Variants in TC2N observed in about 807,000 individuals in gnomAD.
The protein encoded by TC2N is tandem C2 domains, nuclear.
TC2N carries 51 observed loss-of-function variants against 61.9 expected under a neutral mutation model. The ratio of observed to expected loss-of-function variants is 0.82; its 90% CI spans 0.66 to 1.04. The LOEUF (loss-of-function observed/expected upper bound fraction) is 1.04. Ranked by LOEUF, TC2N falls within the 50% of genes least tolerant of loss-of-function variation. TC2N has a pLI of 0.00. For missense variants in TC2N, 556 were observed against 566.7 expected (o/e 0.98, Z 0.19); for synonymous variants, 204 against 192.6 (o/e 1.06, Z -0.49).
At chr14:91,809,265 G>A (rs1206379918) in intron 3 of TC2N, among the ~76,000 whole-genome samples, 1 of 152,010 alleles carries the variant, frequency 6.6e-6, no homozygotes, top group African/African-American at 2.4e-5. Context: ...AAAACTAGCT[G>A]GGTGTGGTGG....
rs573902782 is a variant in TC2N, at chr14:91,810,802, G to A, written c.301+1510C>T. On this transcript the variant is annotated intron_variant, in intron 3 of 11. Transcript: ENST00000435962. ...TAACAGCAGGCTAAAGATAACAGAC[G>A]AGACAGTGAACTTGAAAAAAAGATC... Among the ~76,000 whole-genome samples the A allele has an allele frequency of 6.0e-5, 9 of 150,608 alleles. No homozygotes were observed. The South Asian group carries it at 1.9e-3, about 32-fold the overall frequency.
At position 91,783,192 on chromosome 14, in the gene TC2N, T is replaced by G; in HGVS notation, c.1381A>C (p.Ser461Arg). The change falls in exon 12 of 12, where the codon AGT (serine) becomes CGT (arginine). Residue 461 changes from serine to arginine, a missense_variant. Coordinates refer to ENST00000435962, the MANE Select transcript of TC2N (RefSeq NM_001128596.3). Reference protein sequence around the residue: ...FVGQIWISEDSNNIEAVNQWK... With the variant: ...FVGQIWISEDRNNIEAVNQWK... Reference sequence around the variant, plus strand: ...TGGTTCACTGCTTCAATGTTATTACTGTCTTCACTTATCCAAATCTGTAAA... The same window carrying G: ...TGGTTCACTGCTTCAATGTTATTACGGTCTTCACTTATCCAAATCTGTAAA... 6.2e-7 allele frequency: 1 copy of G among 1,604,816 alleles called. No individual in the cohort carries two copies.
intron 1 of TC2N, among the ~76,000 whole-genome samples, chr14:91,867,054 G>C (rs1888717636): frequency 6.7e-6 from 1 of 149,716 alleles, no homozygotes. Context: ...GCAATTTGAG[G>C]TCCAAGAAGC....
chr14:91,867,197 G>T (rs1287082222), intron 1 of TC2N, 65 bp downstream of exon 1: 1 of 152,086 alleles, frequency 6.6e-6, no homozygotes, highest in Non-Finnish European at 1.5e-5. Flanking sequence ...GAAACCAGTG[G>T]GTCCTCAAAT....
At chr14:91,829,052 A>T (rs1308114731) in intron 1 of TC2N, among the ~76,000 whole-genome samples, 8 of 113,544 alleles carry the variant, frequency 7.0e-5, no homozygotes, top group East Asian at 2.6e-4. Context: ...CTGTTCTTTT[A>T]AAAAAAAAAA....
rs546490318 is a variant in TC2N at position 91,800,704 on chromosome 14, G to A, written c.470-332C>T. The stretch of plus-strand genomic sequence containing the variant: ...GTAAACACTCTGTATTAAGTGTAGT[G>A]CAACTATTTATTATTAATAAGCATG... On this transcript the variant is annotated intron_variant, in intron 4 of 11. Transcript: ENST00000435962. Among the ~76,000 whole-genome samples the A allele has an allele frequency of 4.6e-5, 7 of 152,000 alleles. No individual in the cohort carries two copies. The South Asian group carries it at 8.3e-4, about 18-fold the overall frequency.
chr14:91,783,956 C>T (rs867692540), intron 11 of TC2N, among the ~76,000 whole-genome samples: 6 of 152,068 alleles, frequency 3.9e-5, no homozygotes, highest in Non-Finnish European at 2.9e-5. Context: ...AAAGAACCTT[C>T]CTTTCAAATG....
Position 91,792,370 on chromosome 14 carries a change from A to T in TC2N, c.1044T>A (p.Ile348=), listed in dbSNP as rs1204764580. The change falls in exon 9 of 12, where the codon ATT becomes ATA. Residue 348 remains isoleucine, a synonymous_variant. Coordinates refer to ENST00000435962, the MANE Select transcript of TC2N (RefSeq NM_001128596.3). ...TTAACATACTATTATCGCTTACAGA[A>T]ATTTTTGAAGGTGGTGTTATATCCA... ...YSLDITPPSK[I]SVCHAELELG... 1 of 1,584,938 alleles carries T rather than the reference A, an allele frequency of 6.3e-7. No homozygotes were observed. The highest frequency in any genetic ancestry group is 8.6e-7 in the Non-Finnish European group (1 of 1,164,598).
intron 1 of TC2N, among the ~76,000 whole-genome samples, chr14:91,857,048 T>A (rs1343518980): frequency 6.6e-6 from 1 of 152,202 alleles, no homozygotes; most frequent in Non-Finnish European, 1.5e-5. Context: ...AAGAGACCCA[T>A]CTGCCAATCT....
chr14:91,799,799 C>T (rs897979755), intron 5 of TC2N, among the ~76,000 whole-genome samples: 3 of 151,916 alleles, frequency 2.0e-5, no homozygotes, highest in African/African-American at 7.2e-5. Flanking sequence ...CTTCTATTTC[C>T]TAATTTTAAA....
At chr14:91,801,823 A>G (rs1886263869) in intron 4 of TC2N, among the ~76,000 whole-genome samples, 5 of 152,224 alleles carry the variant, frequency 3.3e-5, no homozygotes, top group Admixed American at 3.3e-4. Context: ...TTTAAAGTAT[A>G]TATACATTGC....
intron 4 of TC2N, among the ~76,000 whole-genome samples, chr14:91,800,970 A>G (rs1886207823): frequency 6.6e-6 from 1 of 151,544 alleles, no homozygotes; most frequent in Non-Finnish European, 1.5e-5. Context: ...ACACATATGT[A>G]TACATATATA....
chr14:91,803,357 C>T (rs887259303), intron 3 of TC2N, among the ~76,000 whole-genome samples: 1 of 150,494 alleles, frequency 6.6e-6, no homozygotes, highest in African/African-American at 2.4e-5. Context: ...ACATAAAGAG[C>T]ATTAATCATA....
At chr14:91,784,477 A>AT (rs766344079) in intron 11 of TC2N, among the ~76,000 whole-genome samples, 6 of 152,180 alleles carry the variant, frequency 3.9e-5, no homozygotes, top group Non-Finnish European at 8.8e-5. Flanking sequence ...TGTTAATAAT[A>AT]TCTTGTCAAG....
chr14:91,818,116 A>C (rs1282498540), intron 1 of TC2N, among the ~76,000 whole-genome samples: 1 of 152,160 alleles, frequency 6.6e-6, no homozygotes, highest in African/African-American at 2.4e-5. Context: ...AAAGCCGAGA[A>C]GATTTTCTGA....
At chr14:91,821,716 C>T (rs959765862) in intron 1 of TC2N, among the ~76,000 whole-genome samples, 7 of 151,918 alleles carry the variant, frequency 4.6e-5, no homozygotes, top group Non-Finnish European at 8.8e-5. Context: ...AAAGACCACT[C>T]GGAGACTGAG....
chr14:91,841,363 T>C (rs1427363508), intron 1 of TC2N, among the ~76,000 whole-genome samples: 1 of 152,210 alleles, frequency 6.6e-6, no homozygotes, highest in East Asian at 1.9e-4. Flanking sequence ...TTGCTTAAGT[T>C]GGAACTCCAT....
chr14:91,803,428 C>CACACACATAT (rs142304224), intron 3 of TC2N, among the ~76,000 whole-genome samples: 2 of 147,168 alleles, frequency 1.4e-5, no homozygotes, highest in African/African-American at 5.0e-5. Flanking sequence ...CACACACACA[C>CACACACATAT]ATATATATAT....
intron 10 of TC2N, 26 bp downstream of exon 10, chr14:91,787,487 C>A: frequency 1.5e-6 from 2 of 1,357,898 alleles, no homozygotes; most frequent in South Asian, 1.3e-5. Context: ...TCTGAAGATT[C>A]TACTTTGAAC....
Sources: gnomAD v4.1 joint callset for allele counts (sites outside exome capture counted in the v4.1 genomes callset) on GRCh38, gnomAD v4.1.1 for gene constraint, MANE v1.5 for transcripts, NCBI Gene and HGNC (gene_info 2026-07-23, HGNC 2026-07-21) for gene names.